The following CYP4B1 variants were observed in gnomAD, a reference collection of about 807,000 sequenced individuals.
CYP4B1 encodes the protein cytochrome P450 family 4 subfamily B member 1.
Under a neutral mutation model 54.0 loss-of-function variants are expected in CYP4B1, and 45 were observed. The observed-to-expected ratio is 0.83, with a 90% CI of 0.66 to 1.07. The LOEUF (loss-of-function observed/expected upper bound fraction) is 1.07, where lower values mean the gene tolerates loss of function less well. Ranked by LOEUF, CYP4B1 falls within the 50% of genes least tolerant of loss-of-function variation. CYP4B1 has a pLI of 0.00. For synonymous variants in CYP4B1, 248 were observed against 247.5 expected (o/e 1.00, Z -0.02); for missense variants, 656 against 655.4 (o/e 1.00, Z -0.01).
rs757376862 is a variant in CYP4B1 at position 46,811,133 on chromosome 1, C to T, written c.323-7C>T. ...TCCCTGCTTGACCTGATTGTCTCCTCCTGCAGACCCTAAGGCCCCTGATGT... is the reference window on the plus strand; with the variant it reads ...TCCCTGCTTGACCTGATTGTCTCCTTCTGCAGACCCTAAGGCCCCTGATGT... On this transcript the variant is annotated splice_polypyrimidine_tract_variant and splice_region_variant and intron_variant, in intron 2 of 11. Transcript: ENST00000371923. 2.5e-6 allele frequency: 4 copies of T among 1,614,054 alleles called. No homozygotes were observed. The highest frequency in any genetic ancestry group is 2.7e-5 in the African/African-American group (2 of 74,922).
Position 46,814,322 on chromosome 1 carries a change from A to ACATTCTC in CYP4B1, c.882+11_882+12insCTCCATT. 1 of 1,608,532 alleles carries ACATTCTC rather than the reference A, an allele frequency of 6.2e-7. No homozygotes were observed. The highest frequency in any genetic ancestry group is 8.5e-7 in the Non-Finnish European group (1 of 1,176,238). On this transcript the variant is annotated splice_region_variant and intron_variant, in intron 7 of 11. Coordinates refer to ENST00000371923, the MANE Select transcript of CYP4B1 (RefSeq NM_001099772.2). Reference sequence around the variant, plus strand: ...CATTCTCCTGGGTGCCCGGGTGAGTACATTGTTGCCCACCCCTACCTGAGG... The same window carrying ACATTCTC: ...CATTCTCCTGGGTGCCCGGGTGAGTACATTCTCCATTGTTGCCCACCCCTACCTGAGG...
At chr1:46,814,528 A>C (rs1224864219) in intron 7 of CYP4B1, among the ~76,000 whole-genome samples, 2 of 152,178 alleles carry the variant, frequency 1.3e-5, no homozygotes, top group Admixed American at 6.5e-5. Flanking sequence ...AGCCTAGGTC[A>C]CGTGGTAGTG....
intron 3 of CYP4B1, chr1:46,812,251 CA>C (rs1679133204): frequency 7.8e-6 from 5 of 644,898 alleles, no homozygotes; most frequent in Middle Eastern, 2.5e-4. Context: ...TTTGTGGGTG[CA>C]GCTGAGATAC....
rs1678510474 is a variant in CYP4B1 at position 46,799,250 on chromosome 1, C to T, written c.169C>T (p.His57Tyr). ...PGPPTHWLFG[H>Y]ALEIQETGSL... is the part of the protein sequence containing the mutation. ...GCCTCCCACCCACTGGCTTTTTGGACATGCCCTCGAGGTATGTGGAGGTCG... is the reference window on the plus strand; with the variant it reads ...GCCTCCCACCCACTGGCTTTTTGGATATGCCCTCGAGGTATGTGGAGGTCG... The change falls in exon 1 of 12, where the codon CAT becomes TAT. Residue 57 changes from histidine to tyrosine, a missense_variant. His to Tyr is a moderately conservative substitution (Grantham distance 83). Coordinates refer to ENST00000371923, the MANE Select transcript of CYP4B1 (RefSeq NM_001099772.2). 3 of 1,592,490 alleles carry T rather than the reference C, an allele frequency of 1.9e-6. No individual in the cohort carries two copies. Among genetic ancestry groups the T allele is most frequent in the Middle Eastern group, 1.6e-4 (1 of 6,064 alleles).
intron 1 of CYP4B1, among the ~76,000 whole-genome samples, chr1:46,805,343 T>C (rs1678817340): frequency 6.6e-6 from 1 of 152,240 alleles, no homozygotes; most frequent in South Asian, 2.1e-4. Context: ...CTTTGGAATC[T>C]AAAGACTGGG....
At chr1:46,813,276 G>A (rs1183778773) in intron 4 of CYP4B1, among the ~76,000 whole-genome samples, 3 of 152,224 alleles carry the variant, frequency 2.0e-5, no homozygotes, top group African/African-American at 7.2e-5. Flanking sequence ...CCTGCCCTCT[G>A]AGCCTGAAGC....
rs1178434169 is a variant in CYP4B1, at chr1:46,818,219, G to C, written c.1355+6G>C. On this transcript the variant is annotated splice_donor_region_variant and intron_variant, in intron 11 of 11. Transcript: ENST00000371923. ...CCCTTCTCTGCTGGGCCCAGGTATG[G>C]AGAGACCCAGTATCCCAGGCCCTCA... 1.9e-6 allele frequency: 3 copies of C among 1,613,266 alleles called. No homozygotes were observed. The highest frequency in any genetic ancestry group is 2.5e-6 in the Non-Finnish European group (3 of 1,179,358).
rs772411985 is a variant in CYP4B1, at chr1:46,817,168, G to T, written c.1194G>T (p.Arg398=). The T allele has an allele frequency of 6.2e-7, 1 of 1,614,188 alleles. No homozygotes were observed. Among genetic ancestry groups the T allele is most frequent in the South Asian group, 1.1e-5 (1 of 91,084 alleles). ...LSKPVTFVDG[R]SLPAGSLISM... Reference sequence around the variant, plus strand: ...AGCCTGTCACCTTTGTGGATGGCCGGTCTCTACCTGCAGGTGGGATGGGTG... The same window carrying T: ...AGCCTGTCACCTTTGTGGATGGCCGTTCTCTACCTGCAGGTGGGATGGGTG... Residue 398 remains arginine (R), a synonymous_variant, in exon 9 of 12, where the codon CGG becomes CGT. Coordinates refer to ENST00000371923, the MANE Select transcript of CYP4B1 (RefSeq NM_001099772.2).
intron 1 of CYP4B1, among the ~76,000 whole-genome samples, chr1:46,807,905 G>A (rs1678924982): frequency 6.6e-6 from 1 of 152,230 alleles, no homozygotes; most frequent in Non-Finnish European, 1.5e-5. Flanking sequence ...CTTTAAGAAT[G>A]TTCCCTGGAA....
chr1:46,817,573 G>A (rs1679386677), intron 9 of CYP4B1, among the ~76,000 whole-genome samples: 2 of 152,178 alleles, frequency 1.3e-5, no homozygotes, highest in African/African-American at 2.4e-5. Context: ...TGTTAAGCCT[G>A]TACCTGGTTC....
chr1:46,807,857 G>T (rs1191264761), intron 1 of CYP4B1, among the ~76,000 whole-genome samples: 3 of 152,226 alleles, frequency 2.0e-5, no homozygotes. Context: ...GGCCAGAAAG[G>T]ATCCCTGGGG....
In CYP4B1 at chr1:46,810,746, C is replaced by A. The variant is rs1018195630; in HGVS notation, c.181-62C>A. The A allele has an allele frequency of 5.6e-6, 9 of 1,599,398 alleles. No individual in the cohort carries two copies. The South Asian group carries it at 8.9e-5, about 16-fold the overall frequency. On this transcript the variant is annotated intron_variant, in intron 1 of 11. Coordinates refer to ENST00000371923, the MANE Select transcript of CYP4B1 (RefSeq NM_001099772.2). ...GCCTTCTCCCCTGCCCTCCCAGGGA[C>A]TTGGGGCCTAGCTGGTGACAATGTG...
rs1408385261 is a variant in CYP4B1, at chr1:46,818,956, G to A, written c.*142G>A. ...AAGGGAAGTAGGCATTACCATAGAC[G>A]ACTCCTAGAGGACAGTGCTATGTAA... On this transcript the variant is annotated 3_prime_UTR_variant, in exon 12 of 12. Coordinates refer to ENST00000371923, the MANE Select transcript of CYP4B1 (RefSeq NM_001099772.2). 28 of 658,078 alleles carry A rather than the reference G, an allele frequency of 4.3e-5. No homozygotes were observed. Among genetic ancestry groups the A allele is most frequent in the South Asian group, 4.2e-4 (22 of 52,884 alleles). The allele number at this position is 658,078 out of a possible 1,614,324, so 40.8% of individuals were successfully genotyped here. A position where few individuals can be genotyped will look rare whatever the true frequency, so the allele number is the denominator to read the frequency against.
chr1:46,809,573 T>C (rs1679013677), intron 1 of CYP4B1, among the ~76,000 whole-genome samples: 1 of 152,216 alleles, frequency 6.6e-6, no homozygotes, highest in South Asian at 2.1e-4. Context: ...CTTAGAGTTG[T>C]TGTGAGGATT....
In CYP4B1 at chr1:46,807,936, G is replaced by A. The variant is rs561104418; in HGVS notation, c.181-2872G>A. Reference sequence around the variant, plus strand: ...TGGAAGATACAACATGGATGTCTTAGTCCTTTGTGTTGCTGTAAATGAATA... The same window carrying A: ...TGGAAGATACAACATGGATGTCTTAATCCTTTGTGTTGCTGTAAATGAATA... On this transcript the variant is annotated intron_variant, in intron 1 of 11. Coordinates refer to ENST00000371923, the MANE Select transcript of CYP4B1 (RefSeq NM_001099772.2). Among the ~76,000 whole-genome samples, 4 of 152,352 alleles carry A rather than the reference G, an allele frequency of 2.6e-5. No homozygotes were observed. In the East Asian group the frequency reaches 7.7e-4, roughly 29 times the overall value.
chr1:46,818,523 G>T, intron 11 of CYP4B1, 108 bp from the exon 12 acceptor site: 2 of 1,169,660 alleles, frequency 1.7e-6, no homozygotes, highest in Non-Finnish European at 1.2e-6. Context: ...CTATCAGCCA[G>T]TTATTCATCC....
Position 46,818,008 on chromosome 1 carries a change from T to G in CYP4B1, c.1251T>G (p.Ser417Arg), listed in dbSNP as rs1435608325. 6.2e-7 allele frequency: 1 copy of G among 1,614,126 alleles called. No homozygotes were observed. The highest frequency in any genetic ancestry group is 8.5e-7 in the Non-Finnish European group (1 of 1,179,994). ...SMHIYALHRNSAVWPDPEVFD... is the reference protein window; with the variant it reads ...SMHIYALHRNRAVWPDPEVFD... Reference sequence around the variant, plus strand: ...ATATCTATGCCCTCCATAGGAACAGTGCTGTATGGCCCGACCCTGAGGTAC... The same window carrying G: ...ATATCTATGCCCTCCATAGGAACAGGGCTGTATGGCCCGACCCTGAGGTAC... Residue 417 changes from serine to arginine, a missense_variant, in exon 10 of 12, where the codon AGT becomes AGG. Transcript: ENST00000371923.
At position 46,811,204 on chromosome 1, in the gene CYP4B1, C is replaced by A. The variant is rs762746335; in HGVS notation, c.367+20C>A. ...GGATTGGTGAGTGAGCACCTGCCTT[C>A]CCTGCCCTGCCAACCTCAGACCCGT... is the stretch of plus-strand genomic sequence containing the variant. On this transcript the variant is annotated intron_variant, in intron 3 of 11. Transcript: ENST00000371923. 7.4e-6 allele frequency: 12 copies of A among 1,613,424 alleles called. No individual in the cohort carries two copies. The highest frequency in any genetic ancestry group is 1.0e-5 in the Non-Finnish European group (12 of 1,179,392).
chr1:46,813,852 C>G, intron 5 of CYP4B1, 57 bp from the exon 6 acceptor site: 1 of 1,590,096 alleles, frequency 6.3e-7, no homozygotes, highest in East Asian at 2.2e-5. Flanking sequence ...TGGAGTTTCT[C>G]TGGCTCTGCT....
Sources: allele counts gnomAD v4.1 joint callset (sites outside exome capture counted in the v4.1 genomes callset), GRCh38; gene constraint gnomAD v4.1.1; transcripts MANE v1.5; gene names NCBI Gene and HGNC (gene_info 2026-07-23, HGNC 2026-07-21).